The following RIPOR3 variants were observed in gnomAD, a reference collection of about 807,000 sequenced individuals.
RIPOR3 encodes RIPOR family member 3.
In RIPOR3, 95 loss-of-function variants were observed where a neutral mutation model predicts 114.3. That is an observed-to-expected ratio of 0.83 (90% confidence interval 0.70 to 0.99). The LOEUF is 0.99. Ranked by LOEUF, RIPOR3 falls within the 50% of genes least tolerant of loss-of-function variation. The pLI, the probability that RIPOR3 is intolerant of heterozygous loss-of-function variation, is 0.00. For synonymous variants in RIPOR3, 575 were observed against 543.8 expected (o/e 1.06, Z -0.80); for missense variants, 1,252 against 1,266.9 (o/e 0.99, Z 0.18).
chr20:50,627,857 C>T (rs983321111), intron 2 of RIPOR3, among the ~76,000 whole-genome samples: 4 of 152,222 alleles, frequency 2.6e-5, no homozygotes, highest in African/African-American at 9.6e-5. Flanking sequence ...GCACAGGCTA[C>T]ACGCTCATGA....
At chr20:50,633,606 G>C (rs959003530) in intron 1 of RIPOR3, among the ~76,000 whole-genome samples, 8 of 152,230 alleles carry the variant, frequency 5.3e-5, no homozygotes, top group Non-Finnish European at 1.2e-4. Context: ...GGGCACTGGA[G>C]CCGGAAGGGG....
chr20:50,604,855 G>A (rs1414478354), intron 11 of RIPOR3, 81 bp from the exon 12 acceptor site: 1 of 1,528,446 alleles, frequency 6.5e-7, no homozygotes. Flanking sequence ...GGGCTCTTAG[G>A]TTATGCAGGT....
At chr20:50,690,826 G>A (rs189029242) in intron 1 of RIPOR3, among the ~76,000 whole-genome samples, 271 of 152,276 alleles carry the variant, frequency 1.8e-3, no homozygotes, top group Middle Eastern at 3.4e-3. Flanking sequence ...AGTGCCTGGC[G>A]TATAGCAGAT....
intron 2 of RIPOR3, chr20:50,620,879 C>A (rs1395558666): frequency 2.9e-6 from 2 of 698,654 alleles, no homozygotes; most frequent in African/African-American, 3.5e-5. Context: ...TGAGTTTGTG[C>A]GGGACATGAT....
intron 6 of RIPOR3, among the ~76,000 whole-genome samples, chr20:50,610,153 C>T (rs1374700751): frequency 5.4e-5 from 8 of 149,068 alleles, no homozygotes; most frequent in African/African-American, 1.7e-4. Flanking sequence ...CCTCACCTGC[C>T]ACCCCTGCCA....
chr20:50,678,286 C>A (rs2086740598), intron 1 of RIPOR3, among the ~76,000 whole-genome samples: 1 of 152,194 alleles, frequency 6.6e-6, no homozygotes. Context: ...CACCAGGAAC[C>A]TGGGGGCTGG....
At chr20:50,669,189 C>G (rs2086373923) in intron 1 of RIPOR3, among the ~76,000 whole-genome samples, 1 of 152,188 alleles carries the variant, frequency 6.6e-6, no homozygotes, top group Admixed American at 6.5e-5. Context: ...ACACACTCCC[C>G]TCTTCACCCA....
At chr20:50,666,227 T>TTCCCTTTCCCTTTCCCTTTCCCTTTCCC (rs1355256257) in intron 1 of RIPOR3, among the ~76,000 whole-genome samples, 1 of 14,514 alleles carries the variant, frequency 6.9e-5, no homozygotes, top group African/African-American at 1.1e-4. Context: ...CTTTTCTTTT[T>TTCCCTTTCCCTTTCCCTTTCCCTTTCCC]TGAGACGGAG....
chr20:50,667,535 G>A (rs532073549), intron 1 of RIPOR3, among the ~76,000 whole-genome samples: 24 of 151,998 alleles, frequency 1.6e-4, no homozygotes, highest in East Asian at 5.8e-4. Context: ...CTCGTGATCC[G>A]CCTGCCTCGG....
chr20:50,632,694 A>G (rs775894774), intron 1 of RIPOR3, among the ~76,000 whole-genome samples: 1 of 152,248 alleles, frequency 6.6e-6, no homozygotes, highest in Non-Finnish European at 1.5e-5. Context: ...TGCTTTATGT[A>G]AATTATGAAA....
intron 1 of RIPOR3, among the ~76,000 whole-genome samples, chr20:50,687,680 T>A (rs2087075467): frequency 1.3e-5 from 2 of 152,180 alleles, no homozygotes. Flanking sequence ...GGTAGGTGGA[T>A]CACTTGAGGT....
chr20:50,671,843 G>C (rs2086512222), intron 1 of RIPOR3, among the ~76,000 whole-genome samples: 1 of 151,936 alleles, frequency 6.6e-6, no homozygotes, highest in African/African-American at 2.4e-5. Context: ...TGGGTAGATG[G>C]GTGGATGAGT....
chr20:50,597,495 G>T (rs376210204), intron 14 of RIPOR3, 85 bp downstream of exon 14: 7 of 1,520,460 alleles, frequency 4.6e-6, no homozygotes, highest in African/African-American at 1.4e-5. Context: ...AGAAACAGAC[G>T]GGGAGGCTGG....
At chr20:50,671,975 T>A (rs2086520239) in intron 1 of RIPOR3, among the ~76,000 whole-genome samples, 1 of 135,404 alleles carries the variant, frequency 7.4e-6, no homozygotes, top group Non-Finnish European at 1.5e-5. Flanking sequence ...GATAGGTGGA[T>A]GGGTGCGTGG....
At chr20:50,618,265 C>A (rs1459052863) in intron 3 of RIPOR3, among the ~76,000 whole-genome samples, 2 of 97,720 alleles carry the variant, frequency 2.0e-5, no homozygotes, top group Non-Finnish European at 3.5e-5. Flanking sequence ...AGTGAGACTC[C>A]GTCTCAAAAA....
intron 1 of RIPOR3, among the ~76,000 whole-genome samples, chr20:50,666,522 C>A (rs1000173448): frequency 2.0e-5 from 3 of 151,302 alleles, no homozygotes; most frequent in African/African-American, 7.3e-5. Context: ...CCACGCCCAG[C>A]CTAGGACACC....
intron 1 of RIPOR3, among the ~76,000 whole-genome samples, chr20:50,679,600 A>AT (rs2086794072): frequency 1.2e-5 from 1 of 84,754 alleles, no homozygotes; most frequent in Non-Finnish European, 2.6e-5. Context: ...TACTAAAAAT[A>AT]CAAAAAAAAA....
At chr20:50,683,619 A>C (rs1234209431) in intron 1 of RIPOR3, among the ~76,000 whole-genome samples, 1 of 151,430 alleles carries the variant, frequency 6.6e-6, no homozygotes, top group African/African-American at 2.4e-5. Flanking sequence ...CACCTGTCTT[A>C]TTTTTGTATT....
chr20:50,589,189 T>C (rs1036609690), intron 20 of RIPOR3, among the ~76,000 whole-genome samples: 4 of 151,960 alleles, frequency 2.6e-5, no homozygotes, highest in Non-Finnish European at 4.4e-5. Context: ...GATCAACAAT[T>C]TTAAATGCTC....
Sources: allele counts gnomAD v4.1 joint callset (sites outside exome capture counted in the v4.1 genomes callset), GRCh38; gene constraint gnomAD v4.1.1; transcripts MANE v1.5; gene names NCBI Gene and HGNC (gene_info 2026-07-23, HGNC 2026-07-21).